FAM193A: variants seen among roughly 807,000 people sequenced by gnomAD.
FAM193A encodes the protein protein FAM193A.
A neutral mutation model predicts 126.5 loss-of-function variants in FAM193A; 22 were observed. The observed-to-expected ratio is 0.17, with a 90% CI of 0.12 to 0.25. The LOEUF is 0.25. Among genes scored for constraint, FAM193A ranks in the 10% least tolerant of loss-of-function variants. The probability of loss-of-function intolerance (pLI) is 1.00; values close to 1 mark genes in which losing one functional copy is unlikely to be tolerated. For synonymous variants in FAM193A, 761 were observed against 646.8 expected, an observed-to-expected ratio of 1.18 and a Z score of -2.68; for missense variants, 1,675 against 1,672.8, an observed-to-expected ratio of 1.00 and a Z score of -0.02.
At chr4:2,689,393 T>C (rs1173693332) in intron 13 of FAM193A, 113 bp from the exon 14 acceptor site, 2 of 708,396 alleles carry the variant, frequency 2.8e-6, no homozygotes, top group African/African-American at 3.8e-5. Context: ...GCTCAGCTCA[T>C]GGCGAGCACA....
At chr4:2,709,582 A>G (rs759035430) in intron 19 of FAM193A, among the ~76,000 whole-genome samples, 15 of 152,092 alleles carry the variant, frequency 9.9e-5, no homozygotes, top group Non-Finnish European at 1.8e-4. Context: ...AGTAACACGC[A>G]CCTGTAATCT....
intron 5 of FAM193A, among the ~76,000 whole-genome samples, chr4:2,636,336 T>TA (rs1416139154): frequency 6.6e-6 from 1 of 152,168 alleles, no homozygotes; most frequent in East Asian, 1.9e-4. Context: ...GTGCTGGAAT[T>TA]ACAGCCGTGA....
At position 2,604,826 on chromosome 4, in the gene FAM193A, C is replaced by G. The variant is rs534117435; in HGVS notation, c.501+8497C>G. Among the ~76,000 whole-genome samples the G allele has an allele frequency of 7.3e-4, 98 of 134,340 alleles. 1 individual carries two copies. The Middle Eastern group carries it at 0.013, about 18-fold the overall frequency. 88.1% of individuals were successfully genotyped at this position (134,340 alleles called of 152,430 possible). A position where few individuals can be genotyped will look rare whatever the true frequency, so the allele number is the denominator to read the frequency against. On this transcript the variant is annotated intron_variant, in intron 2 of 20. Transcript: ENST00000637812. Reference sequence around the variant, plus strand: ...TTTTTTTTTTTTTTGGTGGCAAGGCCTCTCTCTGTCACTCAGGCTGGAGTG... The same window carrying G: ...TTTTTTTTTTTTTTGGTGGCAAGGCGTCTCTCTGTCACTCAGGCTGGAGTG...
At chr4:2,617,262 A>ATATATATATATATATATTT (rs1553895173) in intron 2 of FAM193A, among the ~76,000 whole-genome samples, 1 of 25,072 alleles carries the variant, frequency 4.0e-5, no homozygotes, top group African/African-American at 4.8e-4. Context: ...ATATATATAT[A>ATATATATATATATATATTT]TTTTTTTTTT....
chr4:2,682,044 A>T (rs2109220116), intron 13 of FAM193A, among the ~76,000 whole-genome samples: 1 of 128,946 alleles, frequency 7.8e-6, no homozygotes, highest in East Asian at 2.3e-4. Context: ...GAGTGCAGTG[A>T]TGCGATCTCG....
At chr4:2,550,744 TTTTG>T (rs1737867723) in intron 1 of FAM193A, among the ~76,000 whole-genome samples, 1 of 151,382 alleles carries the variant, frequency 6.6e-6, no homozygotes, top group Non-Finnish European at 1.5e-5. Flanking sequence ...TGGTTGTTTT[TTTTG>T]TTTTTGTTTT....
At chr4:2,582,888 CTGT>C (rs1157596803) in intron 1 of FAM193A, among the ~76,000 whole-genome samples, 2 of 152,094 alleles carry the variant, frequency 1.3e-5, no homozygotes, top group Admixed American at 6.6e-5. Flanking sequence ...CTGCTGTTGG[CTGT>C]TGTTTGAAGC....
At chr4:2,577,175 CGAA>C (rs35214775) in intron 1 of FAM193A, among the ~76,000 whole-genome samples, 87,940 of 151,454 alleles carry the variant, frequency 0.58, 25,970 homozygotes, top group East Asian at 0.74. Flanking sequence ...TTTTTTGAGA[CGAA>C]GCCTCGCTCT....
chr4:2,599,412 G>C (rs956386605), intron 2 of FAM193A, among the ~76,000 whole-genome samples: 1 of 152,044 alleles, frequency 6.6e-6, no homozygotes, highest in African/African-American at 2.4e-5. Context: ...TCTGTCTCTG[G>C]TCAGGGCTCT....
chr4:2,549,741 T>G lies in FAM193A; in HGVS notation c.255+12571T>G, dbSNP rs540400319. Reference sequence around the variant, plus strand: ...ATTTTATAGTTTTACTTTTTTGTTTTCTTTGAGATGGAGTCTCACTCTGTC... The same window carrying G: ...ATTTTATAGTTTTACTTTTTTGTTTGCTTTGAGATGGAGTCTCACTCTGTC... On this transcript the variant is annotated intron_variant, in intron 1 of 20. Coordinates refer to ENST00000637812, the MANE Select transcript of FAM193A (RefSeq NM_001366318.2). Among the ~76,000 whole-genome samples, 529 of 151,274 alleles carry G rather than the reference T, an allele frequency of 3.5e-3. 1 individual carries two copies. Among genetic ancestry groups the G allele is most frequent in the Non-Finnish European group, 5.1e-3 (345 of 67,846 alleles).
At chr4:2,669,574 G>A (rs561211306) in intron 12 of FAM193A, among the ~76,000 whole-genome samples, 2 of 152,278 alleles carry the variant, frequency 1.3e-5, no homozygotes, top group Admixed American at 6.5e-5. Flanking sequence ...GCGCCATTGC[G>A]CTCCAGCCTA....
At chr4:2,643,812 C>A (rs1355723612) in intron 6 of FAM193A, among the ~76,000 whole-genome samples, 1 of 152,124 alleles carries the variant, frequency 6.6e-6, no homozygotes, top group Non-Finnish European at 1.5e-5. Flanking sequence ...TGCTCAGATC[C>A]CCTGGCAGGC....
chr4:2,714,575 G>C (rs1479087248), intron 19 of FAM193A, among the ~76,000 whole-genome samples: 1 of 152,066 alleles, frequency 6.6e-6, no homozygotes, highest in Non-Finnish European at 1.5e-5. Flanking sequence ...ATACAGTTGG[G>C]ATCCGAGATA....
At chr4:2,633,326 G>A (rs745856407) in intron 5 of FAM193A, among the ~76,000 whole-genome samples, 4 of 152,048 alleles carry the variant, frequency 2.6e-5, no homozygotes, top group Non-Finnish European at 5.9e-5. Flanking sequence ...TTGAACCCGG[G>A]AGGCAGAGGT....
At chr4:2,571,105 G>A (rs187599168) in intron 1 of FAM193A, among the ~76,000 whole-genome samples, 17 of 152,264 alleles carry the variant, frequency 1.1e-4, no homozygotes, top group South Asian at 4.1e-4. Flanking sequence ...CTGCTCTTTA[G>A]TGACTCCCTC....
At chr4:2,615,900 C>T (rs1332408137) in intron 2 of FAM193A, among the ~76,000 whole-genome samples, 5 of 152,010 alleles carry the variant, frequency 3.3e-5, no homozygotes, top group African/African-American at 7.3e-5. Context: ...AACCTCTGCC[C>T]GCTCTGGTTC....
chr4:2,651,865 C>T (rs556235968), intron 7 of FAM193A, among the ~76,000 whole-genome samples: 17 of 152,256 alleles, frequency 1.1e-4, no homozygotes, highest in South Asian at 2.1e-4. Flanking sequence ...ACATTCAGCT[C>T]GTCCCAGACA....
At chr4:2,730,108 G>C (rs990428303) in intron 20 of FAM193A, among the ~76,000 whole-genome samples, 14 of 151,884 alleles carry the variant, frequency 9.2e-5, no homozygotes, top group Admixed American at 8.5e-4. Flanking sequence ...GAGTCTCACT[G>C]TGTTGCACGG....
intron 2 of FAM193A, among the ~76,000 whole-genome samples, chr4:2,619,852 G>A (rs1742436454): frequency 6.6e-6 from 1 of 152,006 alleles, no homozygotes; most frequent in Non-Finnish European, 1.5e-5. Flanking sequence ...CTCCATGCCT[G>A]GCTACATTTT....
Sources: allele counts gnomAD v4.1 joint callset (sites outside exome capture counted in the v4.1 genomes callset), GRCh38; gene constraint gnomAD v4.1.1; transcripts MANE v1.5; gene names NCBI Gene and HGNC (gene_info 2026-07-23, HGNC 2026-07-21).